Variants in TBC1D32 observed in about 807,000 individuals in gnomAD.
The protein encoded by TBC1D32 is protein broad-minded.
A neutral mutation model predicts 170.3 loss-of-function variants in TBC1D32; 151 were observed. The observed-to-expected ratio is 0.89, with a 90% CI of 0.78 to 1.01. TBC1D32 has a LOEUF of 1.01. Ranked by LOEUF, TBC1D32 falls within the 50% of genes least tolerant of loss-of-function variation. The probability of loss-of-function intolerance (pLI) is 0.00; values close to 1 mark genes in which losing one functional copy is unlikely to be tolerated. For missense variants in TBC1D32, 1,464 were observed against 1,457.1 expected, an observed-to-expected ratio of 1.00 and a Z score of -0.08; for synonymous variants, 498 against 488.0, an observed-to-expected ratio of 1.02 and a Z score of -0.27.
At chr6:121,222,072 C>T (rs1025000230) in intron 21 of TBC1D32, among the ~76,000 whole-genome samples, 1 of 152,202 alleles carries the variant, frequency 6.6e-6, no homozygotes, top group Non-Finnish European at 1.5e-5. Flanking sequence ...ACTGATCAGT[C>T]AGCTGCCATC....
At chr6:121,315,936 C>T (rs906598546) in intron 3 of TBC1D32, among the ~76,000 whole-genome samples, 1 of 152,116 alleles carries the variant, frequency 6.6e-6, no homozygotes, top group Non-Finnish European at 1.5e-5. Context: ...GGGCAGAGCT[C>T]ACTTTCAACC....
chr6:121,188,505 CCAA>C (rs1164729712), intron 22 of TBC1D32, among the ~76,000 whole-genome samples: 2 of 151,836 alleles, frequency 1.3e-5, no homozygotes, highest in African/African-American at 4.8e-5. Flanking sequence ...AGAAGGAGAG[CCAA>C]TGAAATCTAA....
chr6:121,191,788 T>C (rs1790079290), intron 22 of TBC1D32, among the ~76,000 whole-genome samples: 1 of 151,918 alleles, frequency 6.6e-6, no homozygotes, highest in South Asian at 2.1e-4. Flanking sequence ...AACATTTGAG[T>C]CAGTGGGCTG....
chr6:121,170,558 G>A (rs1285332919), intron 22 of TBC1D32: 2 of 1,448,698 alleles, frequency 1.4e-6, no homozygotes, highest in Non-Finnish European at 1.8e-6. Flanking sequence ...AACGTAGATT[G>A]TGTAAAATAT....
At chr6:121,274,081 T>C (rs1441546054) in intron 15 of TBC1D32, among the ~76,000 whole-genome samples, 2 of 152,070 alleles carry the variant, frequency 1.3e-5, no homozygotes, top group East Asian at 3.9e-4. Flanking sequence ...ATGCCTGTAA[T>C]CCCAGCACTT....
chr6:121,245,662 T>C (rs1383583502), intron 17 of TBC1D32, among the ~76,000 whole-genome samples: 1 of 152,074 alleles, frequency 6.6e-6, no homozygotes, highest in African/African-American at 2.4e-5. Context: ...GAACGGAGCA[T>C]GGATGCACCT....
intron 22 of TBC1D32, among the ~76,000 whole-genome samples, chr6:121,183,547 C>T (rs1280724512): frequency 6.6e-6 from 1 of 152,046 alleles, no homozygotes; most frequent in African/African-American, 2.4e-5. Context: ...CACTTCACCT[C>T]AGGTGTTGAA....
At chr6:121,121,561 T>G (rs890470776) in intron 26 of TBC1D32, among the ~76,000 whole-genome samples, 1 of 152,018 alleles carries the variant, frequency 6.6e-6, no homozygotes, top group Non-Finnish European at 1.5e-5. Context: ...TGTACTCCAT[T>G]TTTTTCCTTT....
At chr6:121,107,794 T>C (rs1252117000) in intron 29 of TBC1D32, among the ~76,000 whole-genome samples, 2 of 152,022 alleles carry the variant, frequency 1.3e-5, no homozygotes, top group Non-Finnish European at 2.9e-5. Flanking sequence ...GTATAGGAAA[T>C]GATTCATATG....
intron 24 of TBC1D32, among the ~76,000 whole-genome samples, chr6:121,150,869 TTG>T (rs1784125191): frequency 7.5e-6 from 1 of 133,962 alleles, no homozygotes; most frequent in Non-Finnish European, 1.7e-5. Flanking sequence ...TCATTTTTTA[TTG>T]TGTCTATTTG....
intron 25 of TBC1D32, among the ~76,000 whole-genome samples, chr6:121,127,795 G>T (rs1468407739): frequency 1.3e-5 from 2 of 152,018 alleles, no homozygotes; most frequent in South Asian, 4.1e-4. Context: ...AGTAACAAAG[G>T]TTATACAGAA....
chr6:121,086,145 G>C (rs1029514501), intron 31 of TBC1D32, among the ~76,000 whole-genome samples: 1 of 151,970 alleles, frequency 6.6e-6, no homozygotes, highest in African/African-American at 2.4e-5. Context: ...TAACCGCTAA[G>C]TTTTTTTAAG....
intron 21 of TBC1D32, among the ~76,000 whole-genome samples, chr6:121,212,787 T>A (rs1482354895): frequency 2.0e-5 from 3 of 152,114 alleles, no homozygotes; most frequent in Non-Finnish European, 4.4e-5. Context: ...ATGAACTTGA[T>A]GCAAAAATCC....
chr6:121,271,431 C>A (rs1801411666), intron 15 of TBC1D32, among the ~76,000 whole-genome samples: 1 of 152,150 alleles, frequency 6.6e-6, no homozygotes, highest in African/African-American at 2.4e-5. Context: ...GATACAAAAT[C>A]AACGTGTAAA....
chr6:121,147,405 C>T (rs952803766), intron 24 of TBC1D32, among the ~76,000 whole-genome samples: 1 of 152,106 alleles, frequency 6.6e-6, no homozygotes, highest in Non-Finnish European at 1.5e-5. Flanking sequence ...ATGCTTTCCA[C>T]AGTGGCTGAA....
intron 31 of TBC1D32, among the ~76,000 whole-genome samples, chr6:121,083,974 C>G (rs1775923713): frequency 6.6e-6 from 1 of 152,078 alleles, no homozygotes; most frequent in South Asian, 2.1e-4. Context: ...TTGACACTCT[C>G]TAAGTGAGCC....
intron 10 of TBC1D32, among the ~76,000 whole-genome samples, chr6:121,297,460 T>C (rs542596829): frequency 6.6e-6 from 1 of 152,166 alleles, no homozygotes; most frequent in South Asian, 2.1e-4. Flanking sequence ...AAAATGGCAC[T>C]ACATAAAACC....
chr6:121,097,457 G>A lies in TBC1D32; in HGVS notation c.3466-6416C>T, dbSNP rs527610414. On this transcript the variant is annotated intron_variant, in intron 30 of 31. Coordinates refer to ENST00000398212, the MANE Select transcript of TBC1D32 (RefSeq NM_152730.6). ...ATATGAAAAAAAGTTCATTATCACT[G>A]GTCATTAAAGAAATGCAAATCAAAA... Among the ~76,000 whole-genome samples, 5 of 152,198 alleles carry A rather than the reference G, an allele frequency of 3.3e-5. No individual in the cohort carries two copies. The South Asian group carries it at 8.3e-4, about 25-fold the overall frequency.
At chr6:121,129,595 T>C (rs1260273542) in intron 25 of TBC1D32, among the ~76,000 whole-genome samples, 16 of 152,222 alleles carry the variant, frequency 1.1e-4, no homozygotes, top group Non-Finnish European at 4.4e-5. Context: ...ATTTTGCTTA[T>C]TTATAATTTC....
Sources: allele counts gnomAD v4.1 joint callset (sites outside exome capture counted in the v4.1 genomes callset), GRCh38; gene constraint gnomAD v4.1.1; transcripts MANE v1.5; gene names NCBI Gene and HGNC (gene_info 2026-07-23, HGNC 2026-07-21).